Variants in MDGA2 observed in about 807,000 individuals in gnomAD.
The protein encoded by MDGA2 is MAM domain containing glycosylphosphatidylinositol anchor 2, also known as MAM domain-containing glycosylphosphatidylinositol anchor protein 2.
Under a neutral mutation model 117.8 loss-of-function variants are expected in MDGA2, and 40 were observed. The observed-to-expected ratio is 0.34, with a 90% CI of 0.26 to 0.44. The LOEUF is 0.44. Among genes scored for constraint, MDGA2 ranks in the 20% least tolerant of loss-of-function variants. The pLI, the probability that MDGA2 is intolerant of heterozygous loss-of-function variation, is 1.00. For synonymous variants in MDGA2, 452 were observed against 439.0 expected (o/e 1.03, Z -0.37); for missense variants, 1,123 against 1,250.6 (o/e 0.90, Z 1.54).
chr14:47,164,463 AAAG>A (rs1274276144), intron 3 of MDGA2, among the ~76,000 whole-genome samples: 1 of 152,240 alleles, frequency 6.6e-6, no homozygotes, highest in East Asian at 1.9e-4. Flanking sequence ...ACACTTCTCA[AAAG>A]AAGACATTTA....
chr14:47,153,505 T>G (rs924063547), intron 3 of MDGA2, among the ~76,000 whole-genome samples: 2 of 151,986 alleles, frequency 1.3e-5, no homozygotes, highest in Non-Finnish European at 2.9e-5. Flanking sequence ...TTGAGTTCTG[T>G]TTGGTTGACG....
intron 1 of MDGA2, among the ~76,000 whole-genome samples, chr14:47,317,458 G>A (rs1228782691): frequency 2.6e-5 from 4 of 152,040 alleles, no homozygotes; most frequent in Non-Finnish European, 5.9e-5. Context: ...GAATTATTTT[G>A]TATCTTCTTG....
intron 2 of MDGA2, among the ~76,000 whole-genome samples, chr14:47,265,638 TAA>T (rs11325423): frequency 2.0e-4 from 28 of 142,308 alleles, no homozygotes; most frequent in Middle Eastern, 3.6e-3. Context: ...GGGAATGCAT[TAA>T]AAAAAAAAAA....
chr14:46,846,330 G>A lies in MDGA2; in HGVS notation c.2884-459C>T, dbSNP rs573846606. On this transcript the variant is annotated intron_variant, in intron 15 of 16. Transcript: ENST00000399232. The stretch of plus-strand genomic sequence containing the variant: ...ACAGTAATATGTATATTGAAGCCCG[G>A]AACAAAGTGTTTCTATCTCTGACAT... Among the ~76,000 whole-genome samples, 335 of 152,138 alleles carry A rather than the reference G, an allele frequency of 2.2e-3. 1 individual carries two copies. Among genetic ancestry groups the A allele is most frequent in the Non-Finnish European group, 3.9e-3 (264 of 67,938 alleles).
intron 8 of MDGA2, among the ~76,000 whole-genome samples, chr14:46,991,041 T>A (rs1047606581): frequency 5.3e-5 from 8 of 152,156 alleles, no homozygotes; most frequent in African/African-American, 1.4e-4. Context: ...CTGGCTACCA[T>A]CTGGTCCTTC....
intron 1 of MDGA2, among the ~76,000 whole-genome samples, chr14:47,488,914 A>G (rs1464456248): frequency 6.6e-6 from 1 of 152,044 alleles, no homozygotes; most frequent in African/African-American, 2.4e-5. Context: ...TTCCTCATAT[A>G]ACAGGTAAGA....
At chr14:47,417,341 C>G (rs1031788684) in intron 1 of MDGA2, among the ~76,000 whole-genome samples, 1 of 152,164 alleles carries the variant, frequency 6.6e-6, no homozygotes, top group Non-Finnish European at 1.5e-5. Flanking sequence ...CACTAGGACA[C>G]AAACACAATT....
chr14:47,537,537 C>T (rs1375925130), intron 1 of MDGA2, among the ~76,000 whole-genome samples: 1 of 114,050 alleles, frequency 8.8e-6, no homozygotes, highest in African/African-American at 3.3e-5. Context: ...AAGAGGAAAC[C>T]CAGGGCTGCT....
At chr14:47,183,181 C>T (rs1184991395) in intron 3 of MDGA2, among the ~76,000 whole-genome samples, 1 of 152,084 alleles carries the variant, frequency 6.6e-6, no homozygotes, top group Non-Finnish European at 1.5e-5. Context: ...TAATTTACTA[C>T]ATTTGAGACA....
At chr14:46,969,700 T>C (rs372824349) in intron 8 of MDGA2, among the ~76,000 whole-genome samples, 2 of 151,380 alleles carry the variant, frequency 1.3e-5, no homozygotes, top group East Asian at 3.9e-4. Flanking sequence ...TTCTGTAGGT[T>C]GCCTGTTCAC....
chr14:47,517,929 T>C (rs971159818), intron 1 of MDGA2, among the ~76,000 whole-genome samples: 40 of 152,200 alleles, frequency 2.6e-4, no homozygotes, highest in African/African-American at 9.4e-4. Flanking sequence ...CTTCTTTCTT[T>C]TAAAAATATC....
intron 8 of MDGA2, among the ~76,000 whole-genome samples, chr14:46,986,828 C>CAA (rs1188047016): frequency 7.2e-5 from 11 of 152,038 alleles, no homozygotes; most frequent in African/African-American, 2.7e-4. Flanking sequence ...CATAACCTGC[C>CAA]AAGTGTGTCT....
chr14:47,448,493 C>T (rs1423464516), intron 1 of MDGA2, among the ~76,000 whole-genome samples: 2 of 151,968 alleles, frequency 1.3e-5, no homozygotes, highest in Admixed American at 6.6e-5. Flanking sequence ...AATACCACTC[C>T]CCACAACTTC....
chr14:46,848,991 T>A (rs1041195676), intron 15 of MDGA2, among the ~76,000 whole-genome samples: 2 of 152,038 alleles, frequency 1.3e-5, no homozygotes, highest in African/African-American at 4.8e-5. Context: ...AATATATTAT[T>A]TACATTTACA....
intron 1 of MDGA2, among the ~76,000 whole-genome samples, chr14:47,453,721 T>C (rs1434155677): frequency 6.6e-6 from 1 of 152,230 alleles, no homozygotes; most frequent in Non-Finnish European, 1.5e-5. Flanking sequence ...GCAGTCATTC[T>C]GATGAGTTGT....
chr14:47,442,605 T>G (rs2000027), intron 1 of MDGA2, among the ~76,000 whole-genome samples: 3 of 152,114 alleles, frequency 2.0e-5, no homozygotes, highest in Admixed American at 2.0e-4. Flanking sequence ...CATTTCCTAC[T>G]TGGGCAAACA....
chr14:46,965,483 T>G (rs1311893054), intron 8 of MDGA2, among the ~76,000 whole-genome samples: 2 of 152,190 alleles, frequency 1.3e-5, no homozygotes, highest in African/African-American at 4.8e-5. Context: ...AATTAAAGGC[T>G]ATTTAAAAGG....
At chr14:46,858,273 T>C (rs978592530) in intron 14 of MDGA2, among the ~76,000 whole-genome samples, 25 of 151,670 alleles carry the variant, frequency 1.6e-4, no homozygotes, top group African/African-American at 6.0e-4. Flanking sequence ...ATAATTCTTA[T>C]TTAGTCCTAG....
rs560651961 is a variant in MDGA2 at position 46,872,770 on chromosome 14, C to T, written c.2752+663G>A. On this transcript the variant is annotated intron_variant, in intron 14 of 16. Transcript: ENST00000399232. ...CAGTTCTCAGGATTTTAGAATTGCA[C>T]ATAAAGAATGGTAGACCTGCATGAT... Among the ~76,000 whole-genome samples, 6 of 152,010 alleles carry T rather than the reference C, an allele frequency of 3.9e-5. No individual in the cohort carries two copies. The Admixed American group carries it at 3.9e-4, about 10-fold the overall frequency.
Sources: gnomAD v4.1 joint callset for allele counts (sites outside exome capture counted in the v4.1 genomes callset) on GRCh38, gnomAD v4.1.1 for gene constraint, MANE v1.5 for transcripts, NCBI Gene and HGNC (gene_info 2026-07-23, HGNC 2026-07-21) for gene names.